The following TTC28 variants were observed in gnomAD, a reference collection of about 807,000 sequenced individuals.
The protein encoded by TTC28 is tetratricopeptide repeat domain 28, also known as tetratricopeptide repeat protein 28.
In TTC28, 61 loss-of-function variants were observed where a neutral mutation model predicts 198.0. The ratio of observed to expected loss-of-function variants is 0.31; its 90% CI spans 0.25 to 0.38. The LOEUF (loss-of-function observed/expected upper bound fraction) is 0.38, where lower values mean the gene tolerates loss of function less well. TTC28 is among the 10% of genes least tolerant of loss of function. TTC28 has a pLI of 1.00. For missense variants in TTC28, 2,678 were observed against 3,164.0 expected, an observed-to-expected ratio of 0.85 and a Z score of 3.69; for synonymous variants, 1,171 against 1,297.8, an observed-to-expected ratio of 0.90 and a Z score of 2.10.
At chr22:28,519,085 A>T (rs547050999) in intron 2 of TTC28, among the ~76,000 whole-genome samples, 128 of 152,318 alleles carry the variant, frequency 8.4e-4, no homozygotes, top group African/African-American at 2.9e-3. Flanking sequence ...GCAATAGCAG[A>T]TCAGAAATAG....
chr22:28,176,844 A>G (rs1923210810), intron 5 of TTC28, among the ~76,000 whole-genome samples: 1 of 152,234 alleles, frequency 6.6e-6, no homozygotes, highest in Admixed American at 6.5e-5. Flanking sequence ...ACAACTAGAC[A>G]TCACATACAA....
intron 2 of TTC28, among the ~76,000 whole-genome samples, chr22:28,604,413 CT>C (rs2050696332): frequency 6.6e-6 from 1 of 150,760 alleles, no homozygotes; most frequent in Admixed American, 6.6e-5. Flanking sequence ...TAAAAAGACT[CT>C]GGAAACTCCT....
intron 5 of TTC28, among the ~76,000 whole-genome samples, chr22:28,168,369 T>C (rs1156453104): frequency 1.3e-5 from 2 of 152,178 alleles, no homozygotes; most frequent in Admixed American, 1.3e-4. Context: ...GCCAAGTCAA[T>C]CTTAAGCCAA....
chr22:28,093,610 A>T (rs988669587), intron 12 of TTC28, among the ~76,000 whole-genome samples: 1 of 152,210 alleles, frequency 6.6e-6, no homozygotes, highest in African/African-American at 2.4e-5. Flanking sequence ...TCTATTCTTC[A>T]TATTTGAGAG....
chr22:28,541,603 A>G (rs1357908065), intron 2 of TTC28, among the ~76,000 whole-genome samples: 3 of 152,216 alleles, frequency 2.0e-5, no homozygotes, highest in Non-Finnish European at 2.9e-5. Context: ...AGAATGTAAA[A>G]CATGACCTGA....
chr22:28,334,572 T>C (rs184869770), intron 2 of TTC28, among the ~76,000 whole-genome samples: 2 of 152,338 alleles, frequency 1.3e-5, no homozygotes, highest in South Asian at 2.1e-4. Context: ...TATCTCATTG[T>C]GGTTTTGATT....
chr22:28,214,860 T>C (rs1435623961), intron 5 of TTC28, among the ~76,000 whole-genome samples: 2 of 152,194 alleles, frequency 1.3e-5, no homozygotes, highest in African/African-American at 4.8e-5. Flanking sequence ...CTATTCACAA[T>C]AGCAAAGACT....
At chr22:28,654,922 C>G (rs2051620103) in intron 1 of TTC28, among the ~76,000 whole-genome samples, 1 of 152,150 alleles carries the variant, frequency 6.6e-6, no homozygotes, top group African/African-American at 2.4e-5. Flanking sequence ...CAAAATAGAG[C>G]AGAACAGCTT....
intron 5 of TTC28, among the ~76,000 whole-genome samples, chr22:28,176,396 T>C (rs1049055746): frequency 6.6e-6 from 1 of 151,984 alleles, no homozygotes; most frequent in Admixed American, 6.6e-5. Context: ...AGTAGAACAG[T>C]CCTTGCCAGA....
At position 28,527,623 on chromosome 22, in the gene TTC28, T is replaced by C. The variant is rs142413685; in HGVS notation, c.381+101929A>G. The stretch of plus-strand genomic sequence containing the variant: ...AGAGAGTTCTCTTAAATGTTACAGA[T>C]ACACTTATATAATATACTAAATATT... On this transcript the variant is annotated intron_variant, in intron 2 of 22. Transcript: ENST00000397906. Among the ~76,000 whole-genome samples, 12 of 152,276 alleles carry C rather than the reference T, an allele frequency of 7.9e-5. No homozygotes were observed. In the East Asian group the frequency reaches 2.1e-3, roughly 27 times the overall value.
chr22:28,410,430 C>T (rs1465388793), intron 2 of TTC28, among the ~76,000 whole-genome samples: 1 of 152,138 alleles, frequency 6.6e-6, no homozygotes, highest in Non-Finnish European at 1.5e-5. Context: ...TCTTGTTTAT[C>T]TATATTCATC....
chr22:28,145,746 T>C (rs1319814756), intron 6 of TTC28, among the ~76,000 whole-genome samples: 2 of 152,306 alleles, frequency 1.3e-5, no homozygotes, highest in Admixed American at 1.3e-4. Context: ...TTTTAGCACT[T>C]GGTTTTGTGT....
At chr22:28,569,828 G>C (rs1000761288) in intron 2 of TTC28, among the ~76,000 whole-genome samples, 10 of 152,070 alleles carry the variant, frequency 6.6e-5, no homozygotes, top group Admixed American at 6.6e-4. Flanking sequence ...ATGGCCTAAT[G>C]TCTAAGATCT....
chr22:28,475,899 A>T (rs1482592051), intron 2 of TTC28, among the ~76,000 whole-genome samples: 2 of 152,194 alleles, frequency 1.3e-5, no homozygotes, highest in Non-Finnish European at 2.9e-5. Flanking sequence ...CCAAGGAAAA[A>T]GCTTACACTA....
chr22:28,088,724 C>A (rs1226057473), intron 12 of TTC28, among the ~76,000 whole-genome samples: 8 of 152,102 alleles, frequency 5.3e-5, no homozygotes, highest in Admixed American at 4.6e-4. Flanking sequence ...GAGTGAACAG[C>A]CAACCTACAA....
intron 2 of TTC28, among the ~76,000 whole-genome samples, chr22:28,591,550 T>C (rs2050436056): frequency 6.6e-6 from 1 of 152,128 alleles, no homozygotes; most frequent in African/African-American, 2.4e-5. Context: ...TGAGACTCAA[T>C]TCCAGGTCCA....
chr22:27,980,921 T>C lies in TTC28; in HGVS notation c.*1300A>G, dbSNP rs1032642909. ...TAAGATACATCTCTCTCTTCCCGGT[T>C]GGCCATAATCCAGGCATACGTCCCA... On this transcript the variant is annotated 3_prime_UTR_variant, in exon 23 of 23. Transcript: ENST00000397906. 1 of 152,284 alleles carries C rather than the reference T, an allele frequency of 6.6e-6. No homozygotes were observed. Among genetic ancestry groups the C allele is most frequent in the African/African-American group, 2.4e-5 (1 of 41,466 alleles). The allele number at this position is 152,284 out of a possible 1,614,324, so 9.4% of individuals were successfully genotyped here. A position where few individuals can be genotyped will look rare whatever the true frequency, so the allele number is the denominator to read the frequency against.
intron 5 of TTC28, among the ~76,000 whole-genome samples, chr22:28,166,479 A>T (rs1394464863): frequency 6.6e-6 from 1 of 152,270 alleles, no homozygotes; most frequent in East Asian, 1.9e-4. Flanking sequence ...ACTCTGTCAG[A>T]TCACAGTGCA....
chr22:28,236,325 T>G (rs1226981051), intron 5 of TTC28, among the ~76,000 whole-genome samples: 2 of 152,264 alleles, frequency 1.3e-5, no homozygotes, highest in African/African-American at 4.8e-5. Flanking sequence ...CATCCTGTAT[T>G]AAATTCCTTA....
Sources: allele counts gnomAD v4.1 joint callset (sites outside exome capture counted in the v4.1 genomes callset), GRCh38; gene constraint gnomAD v4.1.1; transcripts MANE v1.5; gene names NCBI Gene and HGNC (gene_info 2026-07-23, HGNC 2026-07-21).